SPRR2B: variants seen among roughly 807,000 people sequenced by gnomAD.
SPRR2B encodes small proline-rich protein 2B.
A neutral mutation model predicts 1.0 loss-of-function variants in SPRR2B; 1 was observed. That is an observed-to-expected ratio of 1.01 (90% confidence interval 0.36 to 4.77). SPRR2B has a LOEUF of 4.77. Among genes scored for constraint, SPRR2B ranks in the 30% most tolerant of loss-of-function variants. The probability of loss-of-function intolerance (pLI) is 0.16; values close to 1 mark genes in which losing one functional copy is unlikely to be tolerated. For missense variants in SPRR2B, 53 were observed against 88.7 expected (o/e 0.60, Z 1.62); for synonymous variants, 27 against 33.4 (o/e 0.81, Z 0.66).
chr1:153,082,827 AC>A, the SPRR2B span, among the ~76,000 whole-genome samples: 1 of 152,124 alleles, frequency 6.6e-6, no homozygotes, highest in East Asian at 1.9e-4. Flanking sequence ...ATTAAGCTAA[AC>A]CCCCCAAAAA....
chr1:153,077,714 C>G, the SPRR2B span, among the ~76,000 whole-genome samples: 1 of 151,796 alleles, frequency 6.6e-6, no homozygotes, highest in East Asian at 1.9e-4. Context: ...CCTCTGGGCT[C>G]AAGCTATTAT....
At chr1:153,075,229 G>A (rs1654749977), upstream of SPRR2B, among the ~76,000 whole-genome samples, 1 of 152,072 alleles carries the variant, frequency 6.6e-6, no homozygotes, top group Admixed American at 6.5e-5. Flanking sequence ...TGTAATCCCA[G>A]CTACTCGGGA....
the SPRR2B span, among the ~76,000 whole-genome samples, chr1:153,080,561 C>A: frequency 1.3e-5 from 2 of 152,056 alleles, no homozygotes; most frequent in Non-Finnish European, 2.9e-5. Context: ...TTAAACAACA[C>A]ACTCTTAAAA....
At chr1:153,084,506 C>T in the SPRR2B span, among the ~76,000 whole-genome samples, 1 of 152,158 alleles carries the variant, frequency 6.6e-6, no homozygotes, top group Admixed American at 6.5e-5. Context: ...AGCACACACA[C>T]CTGCACCCAT....
At chr1:153,082,929 C>G in the SPRR2B span, among the ~76,000 whole-genome samples, 1 of 152,122 alleles carries the variant, frequency 6.6e-6, no homozygotes, top group African/African-American at 2.4e-5. Flanking sequence ...TTGAAAAGTT[C>G]AACAAACTTC....
chr1:153,073,436 C>A (rs931980479), upstream of SPRR2B, among the ~76,000 whole-genome samples: 1 of 152,116 alleles, frequency 6.6e-6, no homozygotes, highest in Non-Finnish European at 1.5e-5. Flanking sequence ...GGGTCATGCC[C>A]TGAGACTCCC....
At chr1:153,081,109 A>G in the SPRR2B span, among the ~76,000 whole-genome samples, 4 of 152,338 alleles carry the variant, frequency 2.6e-5, no homozygotes, top group East Asian at 7.7e-4. Context: ...AACAAACTCC[A>G]AGTTCAATGA....
chr1:153,081,933 T>G, the SPRR2B span, among the ~76,000 whole-genome samples: 1 of 152,032 alleles, frequency 6.6e-6, no homozygotes, highest in African/African-American at 2.4e-5. Flanking sequence ...GCAATTATCT[T>G]GCCTTTTTAG....
the SPRR2B span, among the ~76,000 whole-genome samples, chr1:153,079,908 G>A: frequency 0.4 from 60,619 of 151,726 alleles, 12,549 homozygotes; most frequent in Non-Finnish European, 0.45. Context: ...GAAGAAAGTC[G>A]TTGGTAACTT....
At chr1:153,075,911 G>A (rs973216395), upstream of SPRR2B, among the ~76,000 whole-genome samples, 8 of 152,022 alleles carry the variant, frequency 5.3e-5, no homozygotes, top group Admixed American at 4.6e-4. Flanking sequence ...TTAGAACAAC[G>A]GATAATGTTT....
the SPRR2B span, among the ~76,000 whole-genome samples, chr1:153,083,789 TG>T: frequency 1.3e-5 from 2 of 152,158 alleles, no homozygotes; most frequent in African/African-American, 4.8e-5. Context: ...CAGGCAGAAC[TG>T]CTTAGAGAGG....
the SPRR2B span, among the ~76,000 whole-genome samples, chr1:153,081,401 T>A: frequency 6.6e-6 from 1 of 152,218 alleles, no homozygotes; most frequent in Non-Finnish European, 1.5e-5. Context: ...ATGACATACT[T>A]AAAGCCCTAA....
chr1:153,075,796 G>A (rs1282199672), upstream of SPRR2B, among the ~76,000 whole-genome samples: 3 of 152,220 alleles, frequency 2.0e-5, no homozygotes, highest in South Asian at 4.1e-4. Context: ...TTAGGACAAA[G>A]CAAATGCAAA....
chr1:153,082,542 T>C, the SPRR2B span, among the ~76,000 whole-genome samples: 1 of 152,048 alleles, frequency 6.6e-6, no homozygotes, highest in Non-Finnish European at 1.5e-5. Context: ...AAAACTAAAA[T>C]CTTATAATCA....
At chr1:153,080,717 AT>A in the SPRR2B span, among the ~76,000 whole-genome samples, 1 of 152,226 alleles carries the variant, frequency 6.6e-6, no homozygotes, top group South Asian at 2.1e-4. Flanking sequence ...CTATAAAAAA[AT>A]ACAAACTAAC....
At chr1:153,077,446 T>C in the SPRR2B span, among the ~76,000 whole-genome samples, 1 of 152,168 alleles carries the variant, frequency 6.6e-6, no homozygotes, top group African/African-American at 2.4e-5. Flanking sequence ...AAAGCTGGCA[T>C]TGTTGAAATT....
the SPRR2B span, among the ~76,000 whole-genome samples, chr1:153,083,590 G>A: frequency 1.3e-5 from 2 of 152,156 alleles, no homozygotes; most frequent in South Asian, 4.1e-4. Flanking sequence ...AGACCCAGAA[G>A]TTAGGCTGAA....
chr1:153,070,550 A>C lies in SPRR2B; in HGVS notation c.*71T>G. 6.4e-7 allele frequency: 1 copy of C among 1,565,154 alleles called. No individual in the cohort carries two copies. Among genetic ancestry groups the C allele is most frequent in the South Asian group, 1.2e-5 (1 of 81,976 alleles). ...CATGATAAGCTTTGATGAGAAGATG[A>C]AGGTGGAGCTGTGGAACGAGGTGAG... On this transcript the variant is annotated 3_prime_UTR_variant, in exon 2 of 2. Coordinates refer to ENST00000368755, the MANE Select transcript of SPRR2B (RefSeq NM_001388198.1).
chr1:153,071,752 A>C (rs2101611158), upstream of SPRR2B, among the ~76,000 whole-genome samples: 1 of 152,286 alleles, frequency 6.6e-6, no homozygotes, highest in Non-Finnish European at 1.5e-5. Flanking sequence ...GGATTCTCAA[A>C]CTGGGAAACA....
Sources: allele counts gnomAD v4.1 joint callset (sites outside exome capture counted in the v4.1 genomes callset), GRCh38; gene constraint gnomAD v4.1.1; transcripts MANE v1.5; gene names NCBI Gene and HGNC (gene_info 2026-07-23, HGNC 2026-07-21).